ZC4H2: variants seen among roughly 807,000 people sequenced by gnomAD.
The protein encoded by ZC4H2 is zinc finger C4H2 domain-containing protein.
For synonymous variants in ZC4H2, 84 were observed against 66.3 expected, an observed-to-expected ratio of 1.27 and a Z score of -1.30; for missense variants, 137 against 173.9, an observed-to-expected ratio of 0.79 and a Z score of 1.19.
chrX:64,950,080 T>C (rs1930726049), intron 1 of ZC4H2, among the ~76,000 whole-genome samples: 1 of 112,184 alleles, frequency 8.9e-6, no homozygotes, highest in African/African-American at 3.2e-5. Flanking sequence ...AGAACATCTT[T>C]ATTTCTGCCT....
chrX:64,963,953 C>T (rs1931493683), intron 1 of ZC4H2, among the ~76,000 whole-genome samples: 1 of 111,386 alleles, frequency 9.0e-6, no homozygotes, highest in South Asian at 3.7e-4. Context: ...AGAAATACTG[C>T]ATGATTCCAC....
At chrX:64,937,108 C>T (rs150072026) in intron 1 of ZC4H2, among the ~76,000 whole-genome samples, 9,038 of 109,220 alleles carry the variant, frequency 0.083, 1,025 homozygotes, top group African/African-American at 0.29. Context: ...AAAAAAAAAG[C>T]TGGGGTTGCA....
At chrX:64,924,131 C>T (rs752097739) in intron 1 of ZC4H2, among the ~76,000 whole-genome samples, 1 of 111,511 alleles carries the variant, frequency 9.0e-6, no homozygotes, top group Non-Finnish European at 1.9e-5. Context: ...AGTGTCTCAC[C>T]CTAAGTGTCA....
chrX:64,918,864 C>A, intron 4 of ZC4H2, 178 bp downstream of exon 4: 1 of 479,010 alleles, frequency 2.1e-6, no homozygotes, highest in Non-Finnish European at 3.1e-6. Flanking sequence ...GGCAACAAAA[C>A]CTGTGCTGTG....
At chrX:64,988,727 C>T (rs1932245962) in intron 1 of ZC4H2, among the ~76,000 whole-genome samples, 1 of 111,311 alleles carries the variant, frequency 9.0e-6, no homozygotes, top group African/African-American at 3.3e-5. Context: ...TTTAGTTTAA[C>T]TAGATCCCAT....
chrX:64,963,092 G>A lies in ZC4H2; in HGVS notation c.53+13233C>T, dbSNP rs192495650. ...GTACTGCCATAAAAACAGACATAGA[G>A]GCCATGGGAAAAAACAGAGAGCCCA... On this transcript the variant is annotated intron_variant, in intron 1 of 4. Coordinates refer to ENST00000374839, the MANE Select transcript of ZC4H2 (RefSeq NM_018684.4). 2.7e-5 allele frequency among the ~76,000 whole-genome samples: 3 copies of A among 110,987 alleles called. No homozygotes were observed. In the Admixed American group the frequency reaches 2.9e-4, roughly 11 times the overall value.
At chrX:65,010,584 T>C (rs1932742189) in intron 1 of ZC4H2, among the ~76,000 whole-genome samples, 1 of 111,937 alleles carries the variant, frequency 8.9e-6, no homozygotes, top group African/African-American at 3.2e-5. Flanking sequence ...GGGGATGAGA[T>C]ACTTTGTAAA....
intron 1 of ZC4H2, among the ~76,000 whole-genome samples, chrX:64,954,368 A>AAT (rs1931056930): frequency 1.3e-5 from 1 of 75,626 alleles, no homozygotes; most frequent in African/African-American, 9.2e-5. Context: ...ATATATATAT[A>AAT]TATAATTATA....
intron 1 of ZC4H2, among the ~76,000 whole-genome samples, chrX:65,011,101 TCAAA>T (rs1037252228): frequency 9.0e-5 from 10 of 111,374 alleles, no homozygotes; most frequent in Non-Finnish European, 1.5e-4. Flanking sequence ...AGATAAAAAA[TCAAA>T]CAAACAAACA....
intron 1 of ZC4H2, among the ~76,000 whole-genome samples, chrX:64,960,052 G>A (rs1440708599): frequency 9.0e-6 from 1 of 110,801 alleles, no homozygotes; most frequent in East Asian, 2.9e-4. Context: ...TAAGTCACTG[G>A]ACTTCAGGCA....
intron 1 of ZC4H2, among the ~76,000 whole-genome samples, chrX:64,944,040 C>A (rs1046279630): frequency 2.7e-5 from 3 of 111,058 alleles, no homozygotes; most frequent in African/African-American, 9.8e-5. Context: ...TGACAAAATC[C>A]CTCAGCATTT....
At chrX:64,928,676 TTC>T (rs1217892989) in intron 1 of ZC4H2, among the ~76,000 whole-genome samples, 2 of 102,251 alleles carry the variant, frequency 2.0e-5, no homozygotes, top group African/African-American at 3.5e-5. Context: ...CTTCTTCTTC[TTC>T]TTCTTCCTCC....
intron 1 of ZC4H2, among the ~76,000 whole-genome samples, chrX:64,999,579 C>A (rs1392913379): frequency 8.9e-6 from 1 of 111,842 alleles, no homozygotes; most frequent in African/African-American, 3.2e-5. Context: ...TCCTGGAATG[C>A]CAGCAAGACA....
intron 1 of ZC4H2, among the ~76,000 whole-genome samples, chrX:64,952,896 G>A (rs1407378050): frequency 1.8e-5 from 2 of 111,167 alleles, no homozygotes; most frequent in Admixed American, 9.5e-5. Context: ...AAAGCTGGAG[G>A]CATCACGCTA....
At chrX:64,949,749 T>C (rs1215063019) in intron 1 of ZC4H2, among the ~76,000 whole-genome samples, 2 of 111,794 alleles carry the variant, frequency 1.8e-5, no homozygotes, top group East Asian at 2.8e-4. Flanking sequence ...TTCTTCTTTA[T>C]TAGTCTTGCT....
At chrX:64,995,436 T>C (rs763764886) in intron 1 of ZC4H2, among the ~76,000 whole-genome samples, 1 of 112,429 alleles carries the variant, frequency 8.9e-6, no homozygotes, top group East Asian at 2.8e-4. Flanking sequence ...TATGCCTCAC[T>C]GCATCCTATG....
chrX:64,960,995 G>GT (rs966287631), intron 1 of ZC4H2, among the ~76,000 whole-genome samples: 1 of 111,266 alleles, frequency 9.0e-6, no homozygotes, highest in Non-Finnish European at 1.9e-5. Context: ...TAAGCCTGCT[G>GT]TTTTTTATTG....
intron 3 of ZC4H2, 97 bp from the exon 4 acceptor site, chrX:64,919,301 T>C: frequency 9.8e-7 from 1 of 1,015,744 alleles, no homozygotes; most frequent in Admixed American, 2.4e-5. Context: ...GGTTGAGCTG[T>C]GGCTCATTCT....
chrX:65,018,296 G>A (rs1029172748), intron 1 of ZC4H2, among the ~76,000 whole-genome samples: 4 of 112,472 alleles, frequency 3.6e-5, no homozygotes, highest in Non-Finnish European at 5.6e-5. Flanking sequence ...TGACACAGAA[G>A]GTGGGTGATT....
Sources: allele counts gnomAD v4.1 joint callset (sites outside exome capture counted in the v4.1 genomes callset), GRCh38; gene constraint gnomAD v4.1.1; transcripts MANE v1.5; gene names NCBI Gene and HGNC (gene_info 2026-07-23, HGNC 2026-07-21).